Variants in SIGLEC5 observed in about 807,000 individuals in gnomAD.
The protein encoded by SIGLEC5 is sialic acid binding Ig like lectin 5, also known as sialic acid-binding Ig-like lectin 5.
A neutral mutation model predicts 45.9 loss-of-function variants in SIGLEC5; 34 were observed. The observed-to-expected ratio is 0.74, with a 90% CI of 0.56 to 0.99. The LOEUF is 0.99. SIGLEC5 is among the 50% of genes least tolerant of loss of function. SIGLEC5 has a pLI of 0.00. For synonymous variants in SIGLEC5, 203 were observed against 258.6 expected (o/e 0.79, Z 2.06); for missense variants, 508 against 629.6 (o/e 0.81, Z 2.07).
At chr19:51,626,799 A>G (rs2122634653) in intron 7 of SIGLEC5, among the ~76,000 whole-genome samples, 1 of 152,350 alleles carries the variant, frequency 6.6e-6, no homozygotes, top group South Asian at 2.1e-4. Flanking sequence ...TGACTCGTAC[A>G]CTTTCAGTGG....
intron 8 of SIGLEC5, among the ~76,000 whole-genome samples, chr19:51,614,663 A>G (rs1018626459): frequency 6.6e-6 from 1 of 152,236 alleles, no homozygotes; most frequent in Non-Finnish European, 1.5e-5. Context: ...GACAACTGAA[A>G]GAAAAGGCAC....
At chr19:51,620,486 C>T (rs1164871116) in intron 8 of SIGLEC5, among the ~76,000 whole-genome samples, 1 of 152,156 alleles carries the variant, frequency 6.6e-6, no homozygotes, top group Non-Finnish European at 1.5e-5. Flanking sequence ...AATTGTCATT[C>T]CCCATGGTAA....
rs1983469292 is a variant in SIGLEC5 at position 51,626,101 on chromosome 19, G to A, written c.1395C>T (p.Arg465=). 2 of 1,613,672 alleles carry A rather than the reference G, an allele frequency of 1.2e-6. No homozygotes were observed. The highest frequency in any genetic ancestry group is 1.7e-6 in the Non-Finnish European group (2 of 1,179,988). ...CLIFFLIVKA[R]RKQAAGRPEK... ...CTGGTCTCCCAGCTGCTTGCTTCCT[G>A]CGGGCTTTCACTCTAAGGAAAGAAA... Residue 465 remains arginine, a synonymous_variant, in exon 8 of 9, where the codon CGC becomes CGT. Coordinates refer to ENST00000683636, the MANE Select transcript of SIGLEC5 (RefSeq NM_003830.4).
intron 8 of SIGLEC5, among the ~76,000 whole-genome samples, chr19:51,614,126 G>A (rs1470774325): frequency 6.6e-6 from 1 of 152,166 alleles, no homozygotes; most frequent in Non-Finnish European, 1.5e-5. Flanking sequence ...TGAAAGCAAC[G>A]TGAGTCTTCA....
At chr19:51,615,634 C>A (rs978438140) in intron 8 of SIGLEC5, among the ~76,000 whole-genome samples, 1 of 152,166 alleles carries the variant, frequency 6.6e-6, no homozygotes, top group African/African-American at 2.4e-5. Flanking sequence ...CACAATGCAA[C>A]GAGAGTCCTT....
chr19:51,618,420 G>A (rs148304191), intron 8 of SIGLEC5, among the ~76,000 whole-genome samples: 2 of 121,774 alleles, frequency 1.6e-5, no homozygotes, highest in East Asian at 2.5e-4. Flanking sequence ...ATTCCAGCCC[G>A]CATGAGTGAG....
intron 8 of SIGLEC5, among the ~76,000 whole-genome samples, chr19:51,622,434 C>T (rs1344289198): frequency 6.6e-6 from 1 of 150,646 alleles, no homozygotes; most frequent in African/African-American, 2.5e-5. Context: ...CCACCGCGCC[C>T]GGCCTTGACA....
At chr19:51,628,702 T>TGTGTGTGTGCATATGTGTGTG (rs1983601396) in intron 4 of SIGLEC5, among the ~76,000 whole-genome samples, 1 of 148,366 alleles carries the variant, frequency 6.7e-6, no homozygotes, top group Non-Finnish European at 1.5e-5. Context: ...GTGGTGTATG[T>TGTGTGTGTGCATATGTGTGTG]GTGTGTGTGC....
chr19:51,613,591 C>A (rs928606920), intron 8 of SIGLEC5, among the ~76,000 whole-genome samples: 1 of 151,966 alleles, frequency 6.6e-6, no homozygotes, highest in African/African-American at 2.4e-5. Context: ...CTCAACTATT[C>A]GCTCATTCTT....
chr19:51,623,293 G>A (rs1239985095), intron 8 of SIGLEC5, among the ~76,000 whole-genome samples: 1 of 152,112 alleles, frequency 6.6e-6, no homozygotes, highest in Non-Finnish European at 1.5e-5. Flanking sequence ...CAATAGAAAA[G>A]AGAGGATTTG....
intron 8 of SIGLEC5, among the ~76,000 whole-genome samples, chr19:51,619,902 A>G (rs886400928): frequency 2.0e-5 from 3 of 152,110 alleles, no homozygotes; most frequent in Non-Finnish European, 2.9e-5. Context: ...CTTGAAACTG[A>G]TAATAAAATA....
At chr19:51,623,254 A>AT (rs993122788) in intron 8 of SIGLEC5, among the ~76,000 whole-genome samples, 3 of 152,026 alleles carry the variant, frequency 2.0e-5, no homozygotes, top group Non-Finnish European at 2.9e-5. Context: ...GATGGGTGAA[A>AT]TTTTTTTTAA....
At chr19:51,629,156 C>A in intron 3 of SIGLEC5, 80 bp from the exon 4 acceptor site, 1 of 1,543,224 alleles carries the variant, frequency 6.5e-7, no homozygotes, top group South Asian at 1.2e-5. Context: ...CAAAGAGGAG[C>A]CACAGAAACC....
At position 51,620,112 on chromosome 19, in the gene SIGLEC5, C is replaced by T. The variant is rs191249620; in HGVS notation, c.1464+5920G>A. Among the ~76,000 whole-genome samples the T allele has an allele frequency of 4.4e-3, 673 of 151,664 alleles. 5 individuals carry two copies. Among genetic ancestry groups the T allele is most frequent in the Non-Finnish European group, 6.8e-3 (465 of 67,904 alleles). The stretch of plus-strand genomic sequence containing the variant: ...AGGAACACGTCCCTAGAATAAAGCT[C>T]GCTGAAGAATACATAAAATGATTAA... On this transcript the variant is annotated intron_variant, in intron 8 of 8. Transcript: ENST00000683636.
intron 8 of SIGLEC5, among the ~76,000 whole-genome samples, chr19:51,622,081 A>C (rs969222311): frequency 1.3e-5 from 2 of 152,124 alleles, no homozygotes; most frequent in Admixed American, 6.5e-5. Flanking sequence ...TATTTTTTGG[A>C]ATTTGACAAC....
intron 5 of SIGLEC5, 35 bp from the exon 6 acceptor site, chr19:51,627,781 C>T (rs772734737): frequency 9.6e-6 from 15 of 1,567,104 alleles, no homozygotes; most frequent in Non-Finnish European, 1.3e-5. Context: ...AGCAGGGGGC[C>T]TCTTCCTTCT....
At chr19:51,615,884 C>T (rs968641952) in intron 8 of SIGLEC5, among the ~76,000 whole-genome samples, 4 of 152,324 alleles carry the variant, frequency 2.6e-5, no homozygotes, top group Middle Eastern at 3.4e-3. Flanking sequence ...TCAAGAGATT[C>T]CCCTGCCTCA....
At position 51,611,648 on chromosome 19, in the gene SIGLEC5, A is replaced by T. The variant is rs10414899; in HGVS notation, c.*583T>A. On this transcript the variant is annotated 3_prime_UTR_variant, in exon 9 of 9. Coordinates refer to ENST00000683636, the MANE Select transcript of SIGLEC5 (RefSeq NM_003830.4). ...CTCATAAATGAAGGACTGGAGCCAA[A>T]GGAATATGATGCAAGGATTGCAGGT... 0.88 allele frequency among the ~76,000 whole-genome samples: 133,818 copies of T among 152,198 alleles called. 59,015 individuals are homozygous for T. Among genetic ancestry groups the T allele is most frequent in the East Asian group, 0.96 (4,957 of 5,176 alleles).
chr19:51,621,451 T>G (rs1304437814), intron 8 of SIGLEC5: 1 of 152,192 alleles, frequency 6.6e-6, no homozygotes, highest in Admixed American at 6.5e-5. Context: ...GGACAGTGGG[T>G]CATTTGTTGA....
Sources: allele counts gnomAD v4.1 joint callset (sites outside exome capture counted in the v4.1 genomes callset), GRCh38; gene constraint gnomAD v4.1.1; transcripts MANE v1.5; gene names NCBI Gene and HGNC (gene_info 2026-07-23, HGNC 2026-07-21).